Variants in GSE1 observed in about 807,000 individuals in gnomAD.
GSE1 encodes the protein genetic suppressor element 1.
Under a neutral mutation model 112.6 loss-of-function variants are expected in GSE1, and 32 were observed. That is an observed-to-expected ratio of 0.28 (90% confidence interval 0.21 to 0.38). The LOEUF is 0.38. Among genes scored for constraint, GSE1 ranks in the 10% least tolerant of loss-of-function variants. The pLI is 1.00. For missense variants in GSE1, 2,348 were observed against 1,699.2 expected, an observed-to-expected ratio of 1.38 and a Z score of -6.71; for synonymous variants, 1,115 against 735.6, an observed-to-expected ratio of 1.52 and a Z score of -8.35.
intron 2 of GSE1, among the ~76,000 whole-genome samples, chr16:85,394,986 C>A (rs553737291): frequency 6.6e-6 from 1 of 152,208 alleles, no homozygotes; most frequent in South Asian, 2.1e-4. Context: ...TTGAGTCGGG[C>A]CTTGATGGAC....
chr16:85,177,766 C>T (rs1479060252), intron 1 of GSE1, among the ~76,000 whole-genome samples: 1 of 152,080 alleles, frequency 6.6e-6, no homozygotes, highest in Non-Finnish European at 1.5e-5. Context: ...ATGCCGGGAC[C>T]CCAAAACGCC....
At chr16:85,591,119 C>T (rs1361071193) in intron 1 of GSE1, among the ~76,000 whole-genome samples, 1 of 152,194 alleles carries the variant, frequency 6.6e-6, no homozygotes, top group Non-Finnish European at 1.5e-5. Context: ...CTTACAGACC[C>T]CCTGACATTG....
Position 85,402,630 on chromosome 16 carries a change from A to T in GSE1, c.2464+44987A>T, listed in dbSNP as rs537491881. On this transcript the variant is annotated intron_variant, in intron 2 of 2. Transcript: ENST00000637419. ...CCAGTTACCTCTGGCTGCCTAACAGATTGCCCCAAGGCCAGGCATGGTGGC... is the reference window on the plus strand; with the variant it reads ...CCAGTTACCTCTGGCTGCCTAACAGTTTGCCCCAAGGCCAGGCATGGTGGC... Among the ~76,000 whole-genome samples, 27 of 152,236 alleles carry T rather than the reference A, an allele frequency of 1.8e-4. No individual in the cohort carries two copies. The East Asian group carries it at 4.6e-3, about 26-fold the overall frequency.
At position 85,656,340 on chromosome 16, in the gene GSE1, C is replaced by T. The variant is rs567366762; in HGVS notation, c.990-3C>T. The stretch of plus-strand genomic sequence containing the variant: ...AGCCCCCAACTCTTTCCATGTGCTG[C>T]AGGCTGCAGATGGACGAGGAGCTAA... On this transcript the variant is annotated splice_region_variant and splice_polypyrimidine_tract_variant and intron_variant, in intron 6 of 15. Coordinates refer to ENST00000253458, the MANE Select transcript of GSE1 (RefSeq NM_014615.5). 5.5e-5 allele frequency: 88 copies of T among 1,610,944 alleles called. 2 individuals carry two copies. The South Asian group carries it at 9.3e-4, about 17-fold the overall frequency.
At chr16:85,430,165 C>T (rs916082135) in intron 2 of GSE1, among the ~76,000 whole-genome samples, 3 of 152,196 alleles carry the variant, frequency 2.0e-5, no homozygotes, top group African/African-American at 4.8e-5. Context: ...AGGCTAGGAA[C>T]GTTGCCCGTG....
chr16:85,303,301 C>A (rs1300189899), intron 1 of GSE1, among the ~76,000 whole-genome samples: 1 of 152,242 alleles, frequency 6.6e-6, no homozygotes, highest in African/African-American at 2.4e-5. Flanking sequence ...CAGCCCCAGT[C>A]ATGCTGAGGT....
chr16:85,496,626 T>C (rs1237120477), intron 2 of GSE1, among the ~76,000 whole-genome samples: 1 of 152,208 alleles, frequency 6.6e-6, no homozygotes, highest in Non-Finnish European at 1.5e-5. Flanking sequence ...ACTGACTTGT[T>C]TGCAGGGAGC....
intron 2 of GSE1, among the ~76,000 whole-genome samples, chr16:85,369,522 GCTCCTGTTCTCACATCTCCCACCACCCA>G (rs1227565395): frequency 4.6e-5 from 7 of 152,024 alleles, no homozygotes. Flanking sequence ...GCCCCCACTT[GCTCCTGTTCTCACATCTCCCACCACCCA>G]CTCCTGCCTC....
intron 1 of GSE1, among the ~76,000 whole-genome samples, chr16:85,348,296 T>TCATC (rs57742912): frequency 1.9e-3 from 280 of 151,254 alleles, no homozygotes; most frequent in African/African-American, 4.1e-3. Context: ...CATCCACTGT[T>TCATC]CATCCATCCA....
At chr16:85,351,269 C>G (rs1405345916) in intron 1 of GSE1, among the ~76,000 whole-genome samples, 1 of 152,220 alleles carries the variant, frequency 6.6e-6, no homozygotes, top group Non-Finnish European at 1.5e-5. Flanking sequence ...AGGGAATTCT[C>G]TGTCCAGCAG....
At chr16:85,255,111 C>T (rs532430394) in intron 1 of GSE1, among the ~76,000 whole-genome samples, 1 of 152,304 alleles carries the variant, frequency 6.6e-6, no homozygotes, top group South Asian at 2.1e-4. Flanking sequence ...TCGCTGTTGC[C>T]AGCTTCCGGC....
rs1397323588 is a variant in GSE1 at position 85,663,349 on chromosome 16, A to T, written c.2379A>T (p.Leu793=). 1.2e-6 allele frequency: 2 copies of T among 1,613,654 alleles called. No homozygotes were observed. Among genetic ancestry groups the T allele is most frequent in the East Asian group, 4.5e-5 (2 of 44,878 alleles). The change falls in exon 11 of 16, where the codon CTA becomes CTT. Residue 793 remains leucine (L), a synonymous_variant. Coordinates refer to ENST00000253458, the MANE Select transcript of GSE1 (RefSeq NM_014615.5). ...PLKLDTSSEK[L]EFLQLFGLTT... is the part of the protein sequence containing the mutation. ...TGTTTTCTTTCCCAATCTAGAAGCTAGAGTTTTTGCAACTTTTTGGCTTGA... is the reference window on the plus strand; with the variant it reads ...TGTTTTCTTTCCCAATCTAGAAGCTTGAGTTTTTGCAACTTTTTGGCTTGA...
Position 85,663,449 on chromosome 16 carries a change from C to T in GSE1, c.2479C>T (p.Pro827Ser). 1.9e-6 allele frequency: 3 copies of T among 1,613,846 alleles called. No homozygotes were observed. Among genetic ancestry groups the T allele is most frequent in the East Asian group, 2.2e-5 (1 of 44,888 alleles). Residue 827 changes from proline to serine, a missense_variant, in exon 11 of 16, where the codon CCG becomes TCG. Transcript: ENST00000253458. Reference protein sequence around the residue: ...KRRRMLRERSPSPPTIQSKRQ... With the variant: ...KRRRMLRERSSSPPTIQSKRQ... ...GCGGAGGATGCTGCGAGAGAGAAGC[C>T]CGTCGCCCCCAACAATTCAGAGCAA...
At chr16:85,221,020 A>T (rs896316133) in intron 1 of GSE1, among the ~76,000 whole-genome samples, 2 of 135,496 alleles carry the variant, frequency 1.5e-5, no homozygotes, top group African/African-American at 5.4e-5. Flanking sequence ...CTTTGTGGGG[A>T]TTCAGCGTCC....
intron 2 of GSE1, among the ~76,000 whole-genome samples, chr16:85,449,604 G>A (rs528214483): frequency 6.6e-6 from 1 of 152,374 alleles, no homozygotes; most frequent in East Asian, 1.9e-4. Flanking sequence ...TTCCGGAATG[G>A]ACGCTTATGA....
intron 1 of GSE1, among the ~76,000 whole-genome samples, chr16:85,301,059 G>A (rs1222847743): frequency 1.3e-5 from 2 of 152,146 alleles, no homozygotes; most frequent in Admixed American, 6.5e-5. Flanking sequence ...TTCCCCTGTG[G>A]TTGCACCTAC....
intron 1 of GSE1, among the ~76,000 whole-genome samples, chr16:85,275,172 C>G (rs75649454): frequency 0.017 from 2,590 of 152,266 alleles, 78 homozygotes; most frequent in African/African-American, 0.06. Flanking sequence ...AAAAGTCTCC[C>G]TGGACCACGT....
At chr16:85,555,545 T>C (rs2045160409), upstream of GSE1, 1 of 979,900 alleles carries the variant, frequency 1.0e-6, no homozygotes, top group Non-Finnish European at 1.2e-6. Flanking sequence ...GGGTATTAAT[T>C]TTCTCCTCTC....
chr16:85,363,352 A>G (rs2047122541), intron 2 of GSE1, among the ~76,000 whole-genome samples: 1 of 152,290 alleles, frequency 6.6e-6, no homozygotes, highest in East Asian at 1.9e-4. Flanking sequence ...CTTCTGCCCC[A>G]GTAGCTGTCT....
Sources: gnomAD v4.1 joint callset for allele counts (sites outside exome capture counted in the v4.1 genomes callset) on GRCh38, gnomAD v4.1.1 for gene constraint, MANE v1.5 for transcripts, NCBI Gene and HGNC (gene_info 2026-07-23, HGNC 2026-07-21) for gene names.